The following DNAJC11 variants were observed in gnomAD, a reference collection of about 807,000 sequenced individuals.
DNAJC11 encodes dnaJ homolog subfamily C member 11.
DNAJC11 carries 15 observed loss-of-function variants against 78.6 expected under a neutral mutation model. The ratio of observed to expected loss-of-function variants is 0.19; its 90% CI spans 0.13 to 0.29. The LOEUF is 0.29. Ranked by LOEUF, DNAJC11 falls within the 10% of genes least tolerant of loss-of-function variation. The pLI, the probability that DNAJC11 is intolerant of heterozygous loss-of-function variation, is 1.00. For missense variants in DNAJC11, 547 were observed against 709.6 expected (o/e 0.77, Z 2.60); for synonymous variants, 292 against 272.1 (o/e 1.07, Z -0.72).
rs369085905 is a variant in DNAJC11 at position 6,645,070 on chromosome 1, G to A, written c.951C>T (p.Asp317=). The A allele has an allele frequency of 6.8e-5, 109 of 1,614,060 alleles. No individual in the cohort carries two copies. The African/African-American group carries it at 8.4e-4, about 12-fold the overall frequency. ...GGGATCCTTTCACACGAGTCTGATC[G>A]TCATCTTGGAATTTGTGCTGATAGC... The part of the protein sequence containing the change: ...LISYQHKFQD[D]DQTRVKGSLK... Residue 317 remains aspartate, a synonymous_variant, in exon 9 of 16, where the codon GAC becomes GAT. Transcript: ENST00000377577. The surrounding 1 kb of genome is among the most constrained non-coding windows in gnomAD (Gnocchi z 4.1).
intron 1 of DNAJC11, among the ~76,000 whole-genome samples, chr1:6,688,028 G>T (rs1642685106): frequency 1.3e-5 from 2 of 152,156 alleles, no homozygotes; most frequent in South Asian, 4.1e-4. Flanking sequence ...TCTGAAACTT[G>T]TTTTCTTTTA....
intron 10 of DNAJC11, among the ~76,000 whole-genome samples, chr1:6,640,741 C>T (rs906947921): frequency 4.6e-5 from 7 of 151,760 alleles, no homozygotes; most frequent in Non-Finnish European, 1.0e-4. Context: ...CTGAGTGAGG[C>T]GGGAGAACGC....
intron 4 of DNAJC11, among the ~76,000 whole-genome samples, chr1:6,660,706 C>T (rs1233716888): frequency 6.6e-6 from 1 of 152,180 alleles, no homozygotes; most frequent in Admixed American, 6.5e-5. Flanking sequence ...TTCCCTGATT[C>T]CCCCCTTTCG....
chr1:6,636,896 T>C (rs1464227082), intron 14 of DNAJC11, among the ~76,000 whole-genome samples: 1 of 152,214 alleles, frequency 6.6e-6, no homozygotes, highest in East Asian at 1.9e-4. Flanking sequence ...TCACCCAGGC[T>C]GGAGTGCAGT....
chr1:6,698,238 G>A (rs1410004884), intron 1 of DNAJC11, among the ~76,000 whole-genome samples: 8 of 151,816 alleles, frequency 5.3e-5, no homozygotes, highest in Non-Finnish European at 7.3e-5. Context: ...GTGGGAACAG[G>A]GCCTTGCCTC....
At chr1:6,684,821 T>G (rs543774928) in intron 1 of DNAJC11, among the ~76,000 whole-genome samples, 1 of 152,304 alleles carries the variant, frequency 6.6e-6, no homozygotes, top group East Asian at 1.9e-4. Context: ...AAGAAATGTA[T>G]CATACTTTAA....
intron 4 of DNAJC11, among the ~76,000 whole-genome samples, chr1:6,658,975 G>GT (rs1228055435): frequency 6.6e-6 from 1 of 152,218 alleles, no homozygotes; most frequent in East Asian, 1.9e-4. Context: ...GTAAGACTTA[G>GT]TTTTTATTTA....
chr1:6,648,019 T>C (rs781170393), intron 7 of DNAJC11, among the ~76,000 whole-genome samples: 5 of 152,134 alleles, frequency 3.3e-5, no homozygotes, highest in Non-Finnish European at 5.9e-5. Flanking sequence ...GAATAGACAC[T>C]GAGGCTCAAC....
chr1:6,647,979 T>C (rs1380676525), intron 7 of DNAJC11, among the ~76,000 whole-genome samples: 5 of 152,158 alleles, frequency 3.3e-5, no homozygotes, highest in South Asian at 4.1e-4. Flanking sequence ...TGATGATCAG[T>C]CCACCCCAAA....
intron 1 of DNAJC11, among the ~76,000 whole-genome samples, chr1:6,683,495 CCTTT>C (rs1642587246): frequency 6.6e-6 from 1 of 152,214 alleles, no homozygotes. Flanking sequence ...CCTTTAAGCC[CCTTT>C]CTGTTTCATC....
intron 7 of DNAJC11, 64 bp downstream of exon 7, chr1:6,651,465 C>T: frequency 2.1e-6 from 3 of 1,405,488 alleles, no homozygotes; most frequent in Non-Finnish European, 2.0e-6. Flanking sequence ...AAAAAGAACA[C>T]ACAGTTCTAG....
At chr1:6,693,998 G>A (rs1404918985) in intron 1 of DNAJC11, among the ~76,000 whole-genome samples, 1 of 151,818 alleles carries the variant, frequency 6.6e-6, no homozygotes, top group Non-Finnish European at 1.5e-5. Flanking sequence ...ATCAAGTCTG[G>A]CTAAGTTTTG....
At position 6,638,305 on chromosome 1, in the gene DNAJC11, G is replaced by A. The variant is rs772103836; in HGVS notation, c.1313C>T (p.Ala438Val). 3.7e-6 allele frequency: 6 copies of A among 1,612,968 alleles called. No homozygotes were observed. The highest frequency in any genetic ancestry group is 5.1e-6 in the Non-Finnish European group (6 of 1,179,380). ...TGGGGCAGCACTCACAGCGGACTCCGCCTCTTGCTTCTTCTGCAGCACATC... is the reference window on the plus strand; with the variant it reads ...TGGGGCAGCACTCACAGCGGACTCCACCTCTTGCTTCTTCTGCAGCACATC... ...ATDVLQKKQE[A>V]ESAVRLMQES... The change falls in exon 12 of 16, where the codon GCG becomes GTG. Residue 438 changes from alanine (A) to valine (V), a missense_variant. Ala to Val is a moderately conservative substitution (Grantham distance 64, BLOSUM62 0). Coordinates refer to ENST00000377577, the MANE Select transcript of DNAJC11 (RefSeq NM_018198.4).
chr1:6,663,587 G>A (rs1461858193), intron 4 of DNAJC11, among the ~76,000 whole-genome samples: 1 of 152,204 alleles, frequency 6.6e-6, no homozygotes, highest in Non-Finnish European at 1.5e-5. Flanking sequence ...GAAATCCGAA[G>A]ATGGCAGGAG....
chr1:6,652,003 TTTCA>T (rs1220310880), intron 6 of DNAJC11, among the ~76,000 whole-genome samples: 1 of 150,932 alleles, frequency 6.6e-6, no homozygotes, highest in Non-Finnish European at 1.5e-5. Flanking sequence ...GCCGACTCCT[TTTCA>T]TTTTCATCCT....
chr1:6,639,835 C>A, intron 11 of DNAJC11, 67 bp downstream of exon 11: 2 of 1,536,920 alleles, frequency 1.3e-6, no homozygotes, highest in Non-Finnish European at 8.8e-7. Flanking sequence ...TTATCCTCTC[C>A]ATTTTAAGGG....
chr1:6,662,646 T>C (rs1275368603), intron 4 of DNAJC11, among the ~76,000 whole-genome samples: 1 of 152,080 alleles, frequency 6.6e-6, no homozygotes, highest in Non-Finnish European at 1.5e-5. Flanking sequence ...TGTGGCTAGC[T>C]AGAGGATTGT....
chr1:6,645,921 C>A lies in DNAJC11; in HGVS notation c.762G>T (p.Leu254=). 6.2e-7 allele frequency: 1 copy of A among 1,614,142 alleles called. No homozygotes were observed. The highest frequency in any genetic ancestry group is 1.3e-5 in the African/African-American group (1 of 75,032). ...CTAGGTTCCGAGCTAGGACAGTGGT[C>A]AGGCCGGGTCGGATTCCACGGGATG... ...QFSSRGIRPG[L]TTVLARNLDK... Residue 254 remains leucine, a synonymous_variant, in exon 8 of 16, where the codon CTG becomes CTT. Coordinates refer to ENST00000377577, the MANE Select transcript of DNAJC11 (RefSeq NM_018198.4). This position sits in a 1 kb window ranked among gnomAD's most constrained non-coding sequence, Gnocchi z 4.1.
chr1:6,638,398 G>T, intron 11 of DNAJC11, 34 bp from the exon 12 acceptor site: 1 of 1,600,146 alleles, frequency 6.2e-7, no homozygotes, highest in Non-Finnish European at 8.5e-7. Flanking sequence ...CCACGTTAGC[G>T]CGGCGCTGCC....
Sources: gnomAD v4.1 joint callset for allele counts (sites outside exome capture counted in the v4.1 genomes callset) on GRCh38, gnomAD v4.1.1 for gene constraint, Gnocchi (gnomAD v3.1) non-coding constraint, MANE v1.5 for transcripts, NCBI Gene and HGNC (gene_info 2026-07-23, HGNC 2026-07-21) for gene names.